CDH3: variants seen among roughly 807,000 people sequenced by gnomAD.
The protein encoded by CDH3 is cadherin-3.
Under a neutral mutation model 82.0 loss-of-function variants are expected in CDH3, and 54 were observed. The observed-to-expected ratio is 0.66, with a 90% CI of 0.53 to 0.83. CDH3 has a LOEUF of 0.83. CDH3 is among the 40% of genes least tolerant of loss of function. The pLI is 0.00. For synonymous variants in CDH3, 446 were observed against 437.9 expected, an observed-to-expected ratio of 1.02 and a Z score of -0.23; for missense variants, 1,054 against 1,084.6, an observed-to-expected ratio of 0.97 and a Z score of 0.40.
Position 68,698,421 on chromosome 16 carries a change from G to A in CDH3, c.*21G>A. On this transcript the variant is annotated 3_prime_UTR_variant, in exon 16 of 16. Transcript: ENST00000264012. ...ACTAGGCGGCCTGCCTGCAGGGCTG[G>A]GGACCAAACGTCAGGCCACAGAGCA... 1 of 1,608,264 alleles carries A rather than the reference G, an allele frequency of 6.2e-7. No individual in the cohort carries two copies. Among genetic ancestry groups the A allele is most frequent in the Non-Finnish European group, 8.5e-7 (1 of 1,175,500 alleles).
At chr16:68,694,545 C>A (rs958492360) in intron 13 of CDH3, among the ~76,000 whole-genome samples, 2 of 151,212 alleles carry the variant, frequency 1.3e-5, no homozygotes, top group Non-Finnish European at 2.9e-5. Context: ...TGGCTTGAAC[C>A]TGGGAGGCGG....
At chr16:68,721,574 A>G (rs1287342728) in intron 1 of CDH3, among the ~76,000 whole-genome samples, 1 of 152,004 alleles carries the variant, frequency 6.6e-6, no homozygotes, top group Non-Finnish European at 1.5e-5. Context: ...GCAGTTAGGG[A>G]TTACAGGTGT....
intron 11 of CDH3, chr16:68,686,645 C>T: frequency 1.1e-6 from 1 of 891,800 alleles, no homozygotes; most frequent in East Asian, 2.4e-5. Flanking sequence ...GGATTATCTC[C>T]TATTTAGGGA....
chr16:68,680,223 G>GT (rs1445723902), intron 7 of CDH3, among the ~76,000 whole-genome samples: 1 of 152,244 alleles, frequency 6.6e-6, no homozygotes, highest in African/African-American at 2.4e-5. Flanking sequence ...CCTACTTTTG[G>GT]TATTTTCTGT....
intron 2 of CDH3, among the ~76,000 whole-genome samples, chr16:68,658,298 G>A (rs950884979): frequency 6.6e-6 from 1 of 152,062 alleles, no homozygotes; most frequent in African/African-American, 2.4e-5. Flanking sequence ...CCCAGCAGTG[G>A]GAAGAGACCT....
In CDH3 at chr16:68,678,491, T is replaced by G; in HGVS notation, c.391-10T>G. The stretch of plus-strand genomic sequence containing the variant: ...TTACTTTGTCAGCTGCCATTTTCTT[T>G]TCCCTCCAGCTCAAGTCTAATAAAG... On this transcript the variant is annotated splice_polypyrimidine_tract_variant and intron_variant, in intron 4 of 15. Coordinates refer to ENST00000264012, the MANE Select transcript of CDH3 (RefSeq NM_001793.6). The G allele has an allele frequency of 6.2e-7, 1 of 1,614,240 alleles. No homozygotes were observed. The highest frequency in any genetic ancestry group is 8.5e-7 in the Non-Finnish European group (1 of 1,180,030).
In CDH3 at chr16:68,698,643, G is replaced by A. The variant is rs964125798; in HGVS notation, c.*243G>A. The A allele has an allele frequency of 1.6e-5, 9 of 560,098 alleles. No individual in the cohort carries two copies. Among genetic ancestry groups the A allele is most frequent in the African/African-American group, 5.6e-5 (3 of 53,118 alleles). 34.7% of individuals were successfully genotyped at this position (560,098 alleles called of 1,614,324 possible). A position where few individuals can be genotyped will look rare whatever the true frequency, so the allele number is the denominator to read the frequency against. ...CACCTGGGCCAGGGTTGCCTCAGAGGCCAAGTTTCCAGAAGCCTCTTACCT... is the reference window on the plus strand; with the variant it reads ...CACCTGGGCCAGGGTTGCCTCAGAGACCAAGTTTCCAGAAGCCTCTTACCT... On this transcript the variant is annotated 3_prime_UTR_variant, in exon 16 of 16. Transcript: ENST00000264012.
At chr16:68,674,061 G>A (rs1415681547) in intron 2 of CDH3, among the ~76,000 whole-genome samples, 1 of 152,186 alleles carries the variant, frequency 6.6e-6, no homozygotes, top group Non-Finnish European at 1.5e-5. Context: ...GCATTGAATT[G>A]CTAGGTCATG....
At chr16:68,665,252 CAA>C (rs1960702010) in intron 2 of CDH3, among the ~76,000 whole-genome samples, 1 of 151,756 alleles carries the variant, frequency 6.6e-6, no homozygotes, top group South Asian at 2.1e-4. Flanking sequence ...ACAAAAGATA[CAA>C]AAAATTAGCC....
At chr16:68,681,238 C>T in intron 8 of CDH3, 142 bp downstream of exon 8, 1 of 811,410 alleles carries the variant, frequency 1.2e-6, no homozygotes, top group African/African-American at 1.7e-5. Context: ...AACTACCTAA[C>T]CTCTCTGTGC....
intron 2 of CDH3, among the ~76,000 whole-genome samples, chr16:68,646,584 GA>G (rs1185995903): frequency 6.6e-6 from 1 of 151,784 alleles, no homozygotes; most frequent in African/African-American, 2.4e-5. Context: ...TGTGTTATGA[GA>G]CCCAGGCGGT....
intron 1 of CDH3, 53 bp downstream of exon 1, chr16:68,645,477 G>T: frequency 6.3e-7 from 1 of 1,590,826 alleles, no homozygotes. Context: ...TGGGGGGCGG[G>T]CGGGGTCCGC....
In CDH3 at chr16:68,698,235, C is replaced by T. The variant is rs1309101838; in HGVS notation, c.2325C>T (p.Asp775=). 1 of 1,614,146 alleles carries T rather than the reference C, an allele frequency of 6.2e-7. No homozygotes were observed. The highest frequency in any genetic ancestry group is 1.3e-5 in the African/African-American group (1 of 74,948). Residue 775 remains aspartate, a synonymous_variant, in exon 16 of 16, where the codon GAC becomes GAT. Transcript: ENST00000264012. ...CAGACCCCACAGCCCCGCCCTACGA[C>T]ACCCTCTTGGTGTTCGACTATGAGG... ...ANTDPTAPPY[D]TLLVFDYEGS...
At chr16:68,689,089 C>A (rs1381310838) in intron 12 of CDH3, among the ~76,000 whole-genome samples, 1 of 152,200 alleles carries the variant, frequency 6.6e-6, no homozygotes, top group Admixed American at 6.5e-5. Flanking sequence ...GTTCTGTTGT[C>A]AGGGAAATTA....
intron 2 of CDH3, among the ~76,000 whole-genome samples, chr16:68,666,454 G>A (rs1960736046): frequency 1.3e-5 from 2 of 152,142 alleles, no homozygotes; most frequent in South Asian, 4.1e-4. Context: ...ATGCCCAGGG[G>A]TGGGTCCCAA....
chr16:68,659,111 ATTG>A (rs1960489630), intron 2 of CDH3, among the ~76,000 whole-genome samples: 1 of 152,196 alleles, frequency 6.6e-6, no homozygotes, highest in Admixed American at 6.5e-5. Context: ...GGGAGGTACT[ATTG>A]TTGTCCCCGT....
the CDH3 span, among the ~76,000 whole-genome samples, chr16:68,732,897 AT>A: frequency 1.4e-5 from 2 of 146,932 alleles, no homozygotes; most frequent in South Asian, 4.7e-4. Flanking sequence ...GCTGGCCGGC[AT>A]GAAAGAATTT....
At chr16:68,692,853 C>T (rs1305080702) in intron 13 of CDH3, among the ~76,000 whole-genome samples, 1 of 152,202 alleles carries the variant, frequency 6.6e-6, no homozygotes, top group Non-Finnish European at 1.5e-5. Flanking sequence ...ACTTGTAATC[C>T]CAACACTTTG....
At chr16:68,681,403 G>A (rs1276862875) in intron 8 of CDH3, among the ~76,000 whole-genome samples, 3 of 152,114 alleles carry the variant, frequency 2.0e-5, no homozygotes, top group Non-Finnish European at 4.4e-5. Context: ...TATTTTCCTT[G>A]TACCTACACC....
Sources: gnomAD v4.1 joint callset for allele counts (sites outside exome capture counted in the v4.1 genomes callset) on GRCh38, gnomAD v4.1.1 for gene constraint, MANE v1.5 for transcripts, NCBI Gene and HGNC (gene_info 2026-07-23, HGNC 2026-07-21) for gene names.